The following TAC4 variants were observed in gnomAD, a reference collection of about 807,000 sequenced individuals.
The protein encoded by TAC4 is tachykinin precursor 4.
In TAC4, 17 loss-of-function variants were observed where a neutral mutation model predicts 17.7. The observed-to-expected ratio is 0.96, with a 90% confidence interval of 0.66 to 1.44. The LOEUF (loss-of-function observed/expected upper bound fraction) is 1.44. Ranked by LOEUF, TAC4 falls within the 40% of genes most tolerant of loss-of-function variation. TAC4 has a pLI of 0.00. For synonymous variants in TAC4, 62 were observed against 52.4 expected (o/e 1.18, Z -0.79); for missense variants, 118 against 125.6 (o/e 0.94, Z 0.29).
In TAC4 at chr17:49,848,047, G is replaced by A. The variant is rs2074559429; in HGVS notation, c.-30C>T. 1 of 1,612,144 alleles carries A rather than the reference G, an allele frequency of 6.2e-7. No homozygotes were observed. Among genetic ancestry groups the A allele is most frequent in the African/African-American group, 1.3e-5 (1 of 75,026 alleles). ...AGCCTGCACTGTCCTGGAATCTCTG[G>A]GAGCCCCTCTCAGCTTGAAGATGCC... On this transcript the variant is annotated 5_prime_UTR_variant, in exon 1 of 5. Coordinates refer to ENST00000436235, the MANE Select transcript of TAC4 (RefSeq NM_001077506.2).
chr17:49,839,112 G>A lies in TAC4; in HGVS notation c.293-439C>T, dbSNP rs62076792. ...ACATTCATCTCTATTTGTTATTGAG[G>A]TGACTTCCATGGCTATTGAATGGAA... On this transcript the variant is annotated intron_variant, in intron 4 of 4. Transcript: ENST00000436235. Among the ~76,000 whole-genome samples, 185 of 152,266 alleles carry A rather than the reference G, an allele frequency of 1.2e-3. 1 individual carries two copies. The highest frequency in any genetic ancestry group is 3.4e-3 in the Middle Eastern group (1 of 294).
intron 2 of TAC4, 107 bp downstream of exon 2, chr17:49,843,957 G>T: frequency 1.0e-6 from 1 of 959,396 alleles, no homozygotes; most frequent in Non-Finnish European, 1.7e-6. Flanking sequence ...CTACTGGACT[G>T]GAGTACCTGA....
intron 4 of TAC4, 95 bp from the exon 5 acceptor site, chr17:49,838,768 C>T (rs1270409562): frequency 3.1e-6 from 4 of 1,275,314 alleles, no homozygotes; most frequent in Non-Finnish European, 4.4e-6. Context: ...TGAAGGCCTT[C>T]ATCTTCCTAA....
In TAC4 at chr17:49,844,268, C is replaced by G. The variant is rs1199142361; in HGVS notation, c.106-111G>C. 3.3e-5 allele frequency: 31 copies of G among 936,316 alleles called. No individual in the cohort carries two copies. The Admixed American group carries it at 5.3e-4, about 16-fold the overall frequency. 58.0% of individuals were successfully genotyped at this position (936,316 alleles called of 1,614,324 possible). A position where few individuals can be genotyped will look rare whatever the true frequency, so the allele number is the denominator to read the frequency against. ...ACAGCTGGTGGTCAGCAGAGACTTG[C>G]TGTGCACTGGCACTGGGCACCTCAG... On this transcript the variant is annotated intron_variant, in intron 1 of 4. Coordinates refer to ENST00000436235, the MANE Select transcript of TAC4 (RefSeq NM_001077506.2).
chr17:49,844,112 T>C lies in TAC4; in HGVS notation c.151A>G (p.Thr51Ala), dbSNP rs1392381153. 1 of 1,613,950 alleles carries C rather than the reference T, an allele frequency of 6.2e-7. No individual in the cohort carries two copies. The highest frequency in any genetic ancestry group is 8.5e-7 in the Non-Finnish European group (1 of 1,179,830). Residue 51 changes from threonine (T) to alanine (A), a missense_variant, in exon 2 of 5, where the codon ACG becomes GCG. Physicochemically the swap from Thr to Ala is moderately conservative, Grantham distance 58 (BLOSUM62 0). Coordinates refer to ENST00000436235, the MANE Select transcript of TAC4 (RefSeq NM_001077506.2). ...SIQLQLQEVK[T>A]GKASQFFGLM... ...CCAAAGAACTGGCTTGCCTTGCCCG[T>C]CTTCACCTCCTGCAGCTGGAGCTGA...
intron 3 of TAC4, 98 bp from the exon 4 acceptor site, chr17:49,840,007 C>CG: frequency 8.4e-7 from 1 of 1,193,354 alleles, no homozygotes; most frequent in South Asian, 1.4e-5. Context: ...GGGCGAGGGC[C>CG]GGGGCCAGGG....
chr17:49,847,692 GACACACACACACACACAC>G (rs150685532), intron 1 of TAC4: 10 of 434,262 alleles, frequency 2.3e-5, no homozygotes, highest in East Asian at 3.9e-5. Flanking sequence ...CACACACACA[GACACACACACACACACAC>G]ACACACACAC....
chr17:49,846,385 T>G (rs2074540057), intron 1 of TAC4: 1 of 468,516 alleles, frequency 2.1e-6, no homozygotes, highest in Admixed American at 3.4e-5. Context: ...CCAGTGATCC[T>G]CCCGCCTCAG....
chr17:49,846,260 C>T (rs1034825449), intron 1 of TAC4: 6 of 1,275,286 alleles, frequency 4.7e-6, no homozygotes, highest in Non-Finnish European at 6.1e-6. Flanking sequence ...TGCGATCATG[C>T]CCCATTCCTG....
chr17:49,846,278 ATTTTTTT>A, intron 1 of TAC4: 1 of 1,014,998 alleles, frequency 9.9e-7, no homozygotes, highest in East Asian at 6.7e-5. Flanking sequence ...CTGTTACCTC[ATTTTTTT>A]TTTTTTTTTG....
rs991450153 is a variant in TAC4, at chr17:49,838,531, G to A, written c.*111C>T. On this transcript the variant is annotated 3_prime_UTR_variant, in exon 5 of 5. Coordinates refer to ENST00000436235, the MANE Select transcript of TAC4 (RefSeq NM_001077506.2). ...TGTGGGCCTTGTGTGAAGTGCCAGC[G>A]ATGAGGACAGGAGACACAGAGAAGA... is the stretch of plus-strand genomic sequence containing the variant. The A allele has an allele frequency of 1.7e-5, 23 of 1,340,120 alleles. No homozygotes were observed. The highest frequency in any genetic ancestry group is 3.7e-5 in the Admixed American group (2 of 54,498). The allele number at this position is 1,340,120 out of a possible 1,614,324, so 83.0% of individuals were successfully genotyped here.
chr17:49,843,694 A>G (rs1018908831), intron 2 of TAC4, among the ~76,000 whole-genome samples: 2 of 152,208 alleles, frequency 1.3e-5, no homozygotes, highest in African/African-American at 4.8e-5. Context: ...CCCAGGTTCA[A>G]GCAATTCTAC....
At chr17:49,840,999 CT>C (rs1269831493) in intron 3 of TAC4, among the ~76,000 whole-genome samples, 2 of 149,410 alleles carry the variant, frequency 1.3e-5, no homozygotes, top group African/African-American at 4.9e-5. Context: ...CCAGCCTCAG[CT>C]TCTGAAGTAG....
chr17:49,839,756 G>T, intron 4 of TAC4, 94 bp downstream of exon 4: 1 of 1,221,848 alleles, frequency 8.2e-7, no homozygotes, highest in Non-Finnish European at 1.2e-6. Context: ...GAGCCTGTCT[G>T]TCTAGCTGCC....
chr17:49,841,765 G>A (rs1188595369), intron 2 of TAC4, among the ~76,000 whole-genome samples, 181 bp from the exon 3 acceptor site: 2 of 152,028 alleles, frequency 1.3e-5, no homozygotes, highest in African/African-American at 4.8e-5. Context: ...AGTGTGGAGT[G>A]GCTGGAAGTG....
intron 2 of TAC4, among the ~76,000 whole-genome samples, chr17:49,842,205 C>T (rs1035250070): frequency 6.6e-6 from 1 of 151,960 alleles, no homozygotes; most frequent in South Asian, 2.1e-4. Flanking sequence ...TTCCCATCCC[C>T]CATCCTTCAT....
chr17:49,847,165 G>A (rs1342034553), intron 1 of TAC4: 6 of 1,290,094 alleles, frequency 4.7e-6, no homozygotes, highest in Non-Finnish European at 6.1e-6. Context: ...ACCATCCTGG[G>A]AATGGGAGGA....
chr17:49,843,464 A>G (rs2074513157), intron 2 of TAC4, among the ~76,000 whole-genome samples: 1 of 152,258 alleles, frequency 6.6e-6, no homozygotes, highest in African/African-American at 2.4e-5. Context: ...AGAGCATGGA[A>G]GGCACCACTC....
chr17:49,838,494 C>G lies in TAC4; in HGVS notation c.*148G>C. 1 of 905,014 alleles carries G rather than the reference C, an allele frequency of 1.1e-6. No homozygotes were observed. The highest frequency in any genetic ancestry group is 1.5e-5 in the South Asian group (1 of 68,448). 56.1% of individuals were successfully genotyped at this position (905,014 alleles called of 1,614,324 possible). ...GACACTGAGAGTCCAGGAAGAAGCC[C>G]AGTGGGTTCAGTGTGGGCCTTGTGT... On this transcript the variant is annotated 3_prime_UTR_variant, in exon 5 of 5. Transcript: ENST00000436235.
Sources: allele counts gnomAD v4.1 joint callset (sites outside exome capture counted in the v4.1 genomes callset), GRCh38; gene constraint gnomAD v4.1.1; transcripts MANE v1.5; gene names NCBI Gene and HGNC (gene_info 2026-07-23, HGNC 2026-07-21).